The following OLA1 variants were observed in gnomAD, a reference collection of about 807,000 sequenced individuals.
OLA1 encodes the protein Obg like ATPase 1.
In OLA1, 14 loss-of-function variants were observed where a neutral mutation model predicts 48.4. The observed-to-expected ratio is 0.29, with a 90% CI of 0.19 to 0.45. OLA1 has a LOEUF of 0.45. Among genes scored for constraint, OLA1 ranks in the 20% least tolerant of loss-of-function variants. The probability of loss-of-function intolerance (pLI) is 1.00; values close to 1 mark genes in which losing one functional copy is unlikely to be tolerated. For synonymous variants in OLA1, 127 were observed against 150.4 expected, an observed-to-expected ratio of 0.84 and a Z score of 1.14; for missense variants, 325 against 467.1, an observed-to-expected ratio of 0.70 and a Z score of 2.80.
At chr2:174,096,738 G>C (rs1366829900) in intron 7 of OLA1, among the ~76,000 whole-genome samples, 1 of 152,180 alleles carries the variant, frequency 6.6e-6, no homozygotes, top group Non-Finnish European at 1.5e-5. Flanking sequence ...GAATATAGGA[G>C]GCCTGCACAC....
At chr2:174,211,983 G>A (rs1446203269) in intron 4 of OLA1, among the ~76,000 whole-genome samples, 1 of 151,742 alleles carries the variant, frequency 6.6e-6, no homozygotes, top group African/African-American at 2.4e-5. Context: ...TATTTCCATT[G>A]GTCAGCACTG....
At chr2:174,096,654 C>T (rs1685263038) in intron 7 of OLA1, among the ~76,000 whole-genome samples, 1 of 152,076 alleles carries the variant, frequency 6.6e-6, no homozygotes, top group African/African-American at 2.4e-5. Flanking sequence ...TTAAGCCTCC[C>T]CAGCCTCAGT....
At chr2:174,163,730 ATATATATATATAT>A (rs1687077104) in intron 4 of OLA1, among the ~76,000 whole-genome samples, 1 of 38,214 alleles carries the variant, frequency 2.6e-5, no homozygotes, top group Admixed American at 2.5e-4. Flanking sequence ...ATATATATAT[ATATATATATATAT>A]ATATATATAT....
chr2:174,220,787 A>C (rs1173548012), intron 4 of OLA1, among the ~76,000 whole-genome samples: 1 of 152,220 alleles, frequency 6.6e-6, no homozygotes, highest in Non-Finnish European at 1.5e-5. Flanking sequence ...AAATTAATCA[A>C]ATTAATGGAG....
intron 4 of OLA1, among the ~76,000 whole-genome samples, chr2:174,219,697 C>T (rs1188695256): frequency 6.6e-6 from 1 of 152,084 alleles, no homozygotes; most frequent in African/African-American, 2.4e-5. Context: ...GCTGGGGTTA[C>T]AGGCATGAGC....
intron 7 of OLA1, among the ~76,000 whole-genome samples, chr2:174,121,956 GAGA>G (rs1685925298): frequency 6.6e-6 from 1 of 152,066 alleles, no homozygotes; most frequent in African/African-American, 2.4e-5. Flanking sequence ...ATACCACAAT[GAGA>G]AGATTTATTA....
At chr2:174,135,754 A>G (rs1686296092) in intron 5 of OLA1, among the ~76,000 whole-genome samples, 1 of 152,240 alleles carries the variant, frequency 6.6e-6, no homozygotes, top group Non-Finnish European at 1.5e-5. Context: ...ACAACAGTCT[A>G]AAGAGAAGAA....
At chr2:174,245,901 A>G (rs931936145) in intron 2 of OLA1, among the ~76,000 whole-genome samples, 2 of 152,012 alleles carry the variant, frequency 1.3e-5, no homozygotes, top group Non-Finnish European at 2.9e-5. Flanking sequence ...CTCAAAAAAA[A>G]AGAAGACTTT....
intron 10 of OLA1, among the ~76,000 whole-genome samples, chr2:174,076,068 T>C (rs1235108521): frequency 2.6e-5 from 4 of 152,220 alleles, no homozygotes; most frequent in Non-Finnish European, 5.9e-5. Flanking sequence ...TGTGTATACA[T>C]AGAAGTATGT....
At chr2:174,087,749 T>C (rs1359693822) in intron 7 of OLA1, among the ~76,000 whole-genome samples, 1 of 152,164 alleles carries the variant, frequency 6.6e-6, no homozygotes, top group Admixed American at 6.5e-5. Context: ...TGTATTATTT[T>C]CCCCACCTCA....
chr2:174,236,984 T>A (rs1347456312), intron 2 of OLA1, among the ~76,000 whole-genome samples: 2 of 151,968 alleles, frequency 1.3e-5, no homozygotes, highest in African/African-American at 4.8e-5. Flanking sequence ...ACACTAAAAT[T>A]ATTTTTTAAT....
intron 4 of OLA1, among the ~76,000 whole-genome samples, chr2:174,179,829 C>G (rs1440178971): frequency 1.3e-5 from 2 of 152,058 alleles, no homozygotes; most frequent in Non-Finnish European, 2.9e-5. Flanking sequence ...TTGAAACACT[C>G]CTTGTTTCTG....
chr2:174,081,927 T>G lies in OLA1; in HGVS notation c.866A>C (p.Gln289Pro). ...GGGAAAATGAATGCTAATTAACCTT[T>G]GTGTCATGTTCGCTTCCAGATACTT... ...RQKYLEANMT[Q>P]SALPKIIKAG... The change falls in exon 8 of 11, where the codon CAA becomes CCA. Residue 289 changes from glutamine to proline, a missense_variant. Gln to Pro is a moderately conservative substitution (Grantham distance 76). Coordinates refer to ENST00000284719, the MANE Select transcript of OLA1 (RefSeq NM_013341.5). The G allele has an allele frequency of 6.2e-7, 1 of 1,611,454 alleles. No individual in the cohort carries two copies. The highest frequency in any genetic ancestry group is 1.1e-5 in the South Asian group (1 of 90,948).
At chr2:174,107,807 T>G (rs1269613131) in intron 7 of OLA1, among the ~76,000 whole-genome samples, 2 of 152,100 alleles carry the variant, frequency 1.3e-5, no homozygotes, top group Non-Finnish European at 2.9e-5. Context: ...TTGCTTAATT[T>G]CAAATGGTTT....
chr2:174,103,898 G>C (rs376354822), intron 7 of OLA1, among the ~76,000 whole-genome samples: 7 of 152,224 alleles, frequency 4.6e-5, no homozygotes, highest in East Asian at 1.9e-4. Context: ...TTCTAGACAA[G>C]GCAGTCACAC....
At chr2:174,127,776 C>A (rs191076628) in intron 5 of OLA1, among the ~76,000 whole-genome samples, 365 of 152,196 alleles carry the variant, frequency 2.4e-3, no homozygotes, top group Non-Finnish European at 4.5e-3. Flanking sequence ...GACTCCCAGA[C>A]CAGAGGTTGA....
chr2:174,133,640 A>G (rs1340257537), intron 5 of OLA1, among the ~76,000 whole-genome samples: 1 of 152,156 alleles, frequency 6.6e-6, no homozygotes, highest in Admixed American at 6.5e-5. Context: ...CCACTGCACC[A>G]GGCTGACATA....
intron 10 of OLA1, 67 bp from the exon 11 acceptor site, chr2:174,075,594 G>A (rs780595329): frequency 1.3e-4 from 123 of 935,110 alleles, no homozygotes; most frequent in Non-Finnish European, 1.6e-4. Context: ...GTAAATGGTG[G>A]CAGCAGATAT....
At chr2:174,165,667 T>C (rs191351654) in intron 4 of OLA1, among the ~76,000 whole-genome samples, 141 of 152,322 alleles carry the variant, frequency 9.3e-4, no homozygotes, top group Non-Finnish European at 1.3e-3. Flanking sequence ...GTTTAAATAA[T>C]GTTTAAGCGC....
Sources: allele counts gnomAD v4.1 joint callset (sites outside exome capture counted in the v4.1 genomes callset), GRCh38; gene constraint gnomAD v4.1.1; transcripts MANE v1.5; gene names NCBI Gene and HGNC (gene_info 2026-07-23, HGNC 2026-07-21).